Variants in AMPD3 observed in about 807,000 individuals in gnomAD.
AMPD3 encodes adenosine monophosphate deaminase 3, also known as AMP deaminase 3.
Under a neutral mutation model 82.3 loss-of-function variants are expected in AMPD3, and 57 were observed. The ratio of observed to expected loss-of-function variants is 0.69; its 90% CI spans 0.56 to 0.86. The LOEUF (loss-of-function observed/expected upper bound fraction) is 0.86. Among genes scored for constraint, AMPD3 ranks in the 40% least tolerant of loss-of-function variants. AMPD3 has a pLI of 0.00. For synonymous variants in AMPD3, 381 were observed against 394.7 expected (o/e 0.97, Z 0.41); for missense variants, 870 against 1,003.8 (o/e 0.87, Z 1.80).
chr11:10,490,873 C>A (rs916566100), intron 6 of AMPD3, among the ~76,000 whole-genome samples: 2 of 152,180 alleles, frequency 1.3e-5, no homozygotes, highest in African/African-American at 4.8e-5. Flanking sequence ...GGAGCCTGGG[C>A]TTTGGGGATG....
intron 6 of AMPD3, 100 bp downstream of exon 6, chr11:10,487,464 C>G: frequency 6.4e-7 from 1 of 1,564,882 alleles, no homozygotes; most frequent in Non-Finnish European, 8.8e-7. Flanking sequence ...GTGAGAACTT[C>G]AGGGCTCCTT....
chr11:10,495,480 G>A (rs1849366361), intron 8 of AMPD3, 90 bp from the exon 9 acceptor site: 2 of 1,604,486 alleles, frequency 1.2e-6, no homozygotes, highest in East Asian at 2.2e-5. Context: ...GGTGGCTGGG[G>A]GAGCAACAGG....
upstream of AMPD3, chr11:10,451,101 C>G: frequency 6.5e-7 from 1 of 1,545,394 alleles, no homozygotes; most frequent in South Asian, 1.2e-5. Context: ...ACCCTGCGGC[C>G]CAGGCGGGAA....
chr11:10,473,475 G>T, intron 2 of AMPD3: 2 of 985,254 alleles, frequency 2.0e-6, no homozygotes, highest in Non-Finnish European at 2.4e-6. Context: ...GGGAAGGGAG[G>T]ATGGAGAAAG....
chr11:10,504,440 T>C, intron 13 of AMPD3, 109 bp from the exon 14 acceptor site: 1 of 1,170,468 alleles, frequency 8.5e-7, no homozygotes. Context: ...TGCCATTTAG[T>C]GAGGAAAAGT....
chr11:10,506,474 A>C lies in AMPD3; in HGVS notation c.*590A>C. 6.2e-6 allele frequency: 1 copy of C among 160,590 alleles called. No homozygotes were observed. Among genetic ancestry groups the C allele is most frequent in the Admixed American group, 6.0e-5 (1 of 16,672 alleles). 9.9% of individuals were successfully genotyped at this position (160,590 alleles called of 1,614,324 possible). On this transcript the variant is annotated 3_prime_UTR_variant, in exon 15 of 15. Coordinates refer to ENST00000396553, the MANE Select transcript of AMPD3 (RefSeq NM_001025389.2). The surrounding 1 kb of genome is among the most constrained non-coding windows in gnomAD (Gnocchi z 4.1). The stretch of plus-strand genomic sequence containing the variant: ...GCCAAATGTACTCATGAAAACAGCC[A>C]CTCCTATTCTGAGTCTTGGTTTCTT...
upstream of AMPD3, chr11:10,450,593 C>T (rs2133795015): frequency 6.1e-6 from 6 of 989,290 alleles, no homozygotes; most frequent in Non-Finnish European, 7.2e-6. Flanking sequence ...GCCCGGCTGG[C>T]ATCTGCTCCG....
chr11:10,486,660 G>T, intron 5 of AMPD3: 1 of 985,410 alleles, frequency 1.0e-6, no homozygotes, highest in Non-Finnish European at 1.2e-6. Context: ...AGAGATCCTT[G>T]GGCCGTGGCC....
chr11:10,455,003 G>A, upstream of AMPD3: 1 of 360,594 alleles, frequency 2.8e-6, no homozygotes, highest in Non-Finnish European at 3.9e-6. Flanking sequence ...TGTCAACCCT[G>A]TAATACTGCT....
intron 1 of AMPD3, among the ~76,000 whole-genome samples, chr11:10,458,745 G>A (rs955975602): frequency 1.3e-5 from 2 of 152,144 alleles, no homozygotes; most frequent in African/African-American, 4.8e-5. Context: ...TGTAAATAAT[G>A]CAGGTAAATA....
intron 6 of AMPD3, among the ~76,000 whole-genome samples, chr11:10,493,068 C>T (rs1375619303): frequency 6.6e-6 from 1 of 152,076 alleles, no homozygotes; most frequent in Non-Finnish European, 1.5e-5. Context: ...GACTGATGGG[C>T]CCATAGGTCA....
chr11:10,458,920 C>G (rs946447840), intron 1 of AMPD3, among the ~76,000 whole-genome samples: 1 of 151,978 alleles, frequency 6.6e-6, no homozygotes, highest in Non-Finnish European at 1.5e-5. Flanking sequence ...GGGATGGTGC[C>G]CTTGATTGGT....
chr11:10,501,506 C>G lies in AMPD3; in HGVS notation c.1758C>G (p.His586Gln). 1 of 1,614,150 alleles carries G rather than the reference C, an allele frequency of 6.2e-7. No homozygotes were observed. ...TGAGCACGTTCCTGTTCCGGCCGCA[C>G]TGTGGGGAAGCCGGCTCCATCACCC... ...RGLSTFLFRP[H>Q]CGEAGSITHL... Residue 586 changes from histidine (H) to glutamine (Q), a missense_variant, in exon 12 of 15, where the codon CAC becomes CAG. Transcript: ENST00000396553.
At chr11:10,479,114 G>A (rs11042832) in intron 3 of AMPD3, among the ~76,000 whole-genome samples, 8,567 of 152,272 alleles carry the variant, frequency 0.056, 419 homozygotes, top group South Asian at 0.22. Flanking sequence ...AGTGGTTTGT[G>A]TGAAATTAGT....
rs542609298 is a variant in AMPD3, at chr11:10,478,712, C to T, written c.408C>T (p.Ser136=). 298 of 1,613,310 alleles carry T rather than the reference C, an allele frequency of 1.8e-4. No homozygotes were observed. The East Asian group carries it at 3.6e-3, about 20-fold the overall frequency. Residue 136 remains serine, a synonymous_variant, in exon 3 of 15, where the codon AGC becomes AGT. Coordinates refer to ENST00000396553, the MANE Select transcript of AMPD3 (RefSeq NM_001025389.2). ...CTGAGTTCCAGCGGGTCACCATCAG[C>T]GGAGATTACTGTGCCGGGGTAAGGC... ...AMPEFQRVTI[S]GDYCAGITLE... is the part of the protein sequence containing the mutation.
Position 10,495,031 on chromosome 11 carries a change from G to T in AMPD3, c.1266+1G>T. The T allele has an allele frequency of 6.2e-7, 1 of 1,614,160 alleles. No individual in the cohort carries two copies. ...AGAGTACTTTGCTCGGATGGTCAAG[G>T]TGAGTGAACCCTCAGTCTCTCTGAG... On this transcript the variant is annotated splice_donor_variant, in intron 8 of 14. Transcript: ENST00000396553. LOFTEE classifies it high-confidence loss of function.
chr11:10,493,711 C>T, intron 7 of AMPD3, 168 bp downstream of exon 7: 1 of 801,208 alleles, frequency 1.2e-6, no homozygotes, highest in Non-Finnish European at 2.1e-6. Context: ...AGGTCTGGGG[C>T]AGCCATGGGA....
intron 11 of AMPD3, chr11:10,501,234 C>T: frequency 1.0e-6 from 1 of 985,336 alleles, no homozygotes; most frequent in Non-Finnish European, 1.2e-6. Flanking sequence ...ACAGCAGGGT[C>T]TCTTTCTACT....
intron 3 of AMPD3, 94 bp downstream of exon 3, chr11:10,478,824 C>T (rs1482376475): frequency 1.5e-6 from 2 of 1,341,440 alleles, no homozygotes; most frequent in Admixed American, 3.7e-5. Flanking sequence ...GAGCCTGGCC[C>T]TGTCCGTGGA....
Sources: gnomAD v4.1 joint callset for allele counts (sites outside exome capture counted in the v4.1 genomes callset) on GRCh38, gnomAD v4.1.1 for gene constraint, Gnocchi (gnomAD v3.1) non-coding constraint, MANE v1.5 for transcripts, NCBI Gene and HGNC (gene_info 2026-07-23, HGNC 2026-07-21) for gene names.